The following HSPA12A variants were observed in gnomAD, a reference collection of about 807,000 sequenced individuals.
HSPA12A encodes the protein heat shock 70 kDa protein 12A.
In HSPA12A, 28 loss-of-function variants were observed where a neutral mutation model predicts 69.2. The observed-to-expected ratio is 0.40, with a 90% CI of 0.30 to 0.55. HSPA12A has a LOEUF of 0.55. Ranked by LOEUF, HSPA12A falls within the 20% of genes least tolerant of loss-of-function variation. The pLI is 0.38. For missense variants in HSPA12A, 686 were observed against 900.7 expected (o/e 0.76, Z 3.05); for synonymous variants, 345 against 370.5 (o/e 0.93, Z 0.79).
At chr10:116,798,878 T>C (rs973679427) in intron 2 of HSPA12A, among the ~76,000 whole-genome samples, 4 of 152,088 alleles carry the variant, frequency 2.6e-5, no homozygotes, top group Admixed American at 2.6e-4. Context: ...CCCTGTGAAC[T>C]GACCTTGAAC....
chr10:116,811,579 T>TAAAAAAAAAAAAAAAA (rs60912684), intron 2 of HSPA12A, among the ~76,000 whole-genome samples: 22 of 105,930 alleles, frequency 2.1e-4, no homozygotes, highest in African/African-American at 7.9e-4. Flanking sequence ...TTGCTTTTGT[T>TAAAAAAAAAAAAAAAA]AAAAAAAAAA....
chr10:116,849,905 A>C, upstream of HSPA12A: 1 of 774,370 alleles, frequency 1.3e-6, no homozygotes, highest in Non-Finnish European at 2.2e-6. Context: ...AAGGACACCC[A>C]GGGGTGAAGG....
upstream of HSPA12A, among the ~76,000 whole-genome samples, chr10:116,744,307 A>G (rs1485411451): frequency 6.6e-6 from 1 of 152,020 alleles, no homozygotes; most frequent in African/African-American, 2.4e-5. Flanking sequence ...GGACTGCCCA[A>G]CTCCAGGAAG....
Position 116,758,200 on chromosome 10 carries a change from A to G in HSPA12A, c.92-50915T>C, listed in dbSNP as rs140682541. Among the ~76,000 whole-genome samples, 426 of 152,330 alleles carry G rather than the reference A, an allele frequency of 2.8e-3. 3 individuals carry two copies. The highest frequency in any genetic ancestry group is 9.6e-3 in the African/African-American group (401 of 41,580). The stretch of plus-strand genomic sequence containing the variant: ...CAGCCTTCAGCGAAGGTACCTTGAT[A>G]CATGGATTTCAGTCTCTTTCAGACC... On this transcript the variant is annotated intron_variant, in intron 2 of 12. Transcript: ENST00000635765.
intron 1 of HSPA12A, among the ~76,000 whole-genome samples, chr10:116,717,161 C>A (rs2133013886): frequency 6.6e-6 from 1 of 152,180 alleles, no homozygotes; most frequent in East Asian, 1.9e-4. Flanking sequence ...CTGTAGGTGA[C>A]AAAATGAAGC....
chr10:116,734,688 C>T (rs1638416), intron 1 of HSPA12A, among the ~76,000 whole-genome samples: 98,140 of 146,228 alleles, frequency 0.67, 33,726 homozygotes, highest in Middle Eastern at 0.87. Context: ...TATTAGCCTT[C>T]AATCATGAAA....
At chr10:116,758,499 G>A (rs1021327829) in intron 2 of HSPA12A, among the ~76,000 whole-genome samples, 7 of 152,154 alleles carry the variant, frequency 4.6e-5, no homozygotes, top group African/African-American at 1.7e-4. Context: ...ATCACTTCAA[G>A]TCCAGAGCTC....
intron 2 of HSPA12A, among the ~76,000 whole-genome samples, chr10:116,748,434 A>G (rs1851699862): frequency 6.6e-6 from 1 of 152,200 alleles, no homozygotes; most frequent in Non-Finnish European, 1.5e-5. Flanking sequence ...AATGCACACT[A>G]AGTCACCATC....
intron 2 of HSPA12A, among the ~76,000 whole-genome samples, chr10:116,774,058 G>C (rs569628662): frequency 6.6e-6 from 1 of 151,464 alleles, no homozygotes. Context: ...CCCCCAGGCT[G>C]GAGTGCAGTG....
intron 4 of HSPA12A, 152 bp from the exon 5 acceptor site, chr10:116,698,891 C>A: frequency 3.2e-6 from 2 of 621,374 alleles, no homozygotes; most frequent in Non-Finnish European, 5.8e-6. Context: ...ATGGCGCATC[C>A]CCCAAAATGG....
chr10:116,732,448 T>C (rs1010267711), intron 1 of HSPA12A, among the ~76,000 whole-genome samples: 5 of 152,100 alleles, frequency 3.3e-5, no homozygotes, highest in Non-Finnish European at 5.9e-5. Flanking sequence ...GGATCCTCAC[T>C]GTAAAGTTAC....
chr10:116,696,002 C>CAAAAAAAAAAAAAAAAAAAAA lies in HSPA12A; in HGVS notation c.546+2612_546+2632dup, dbSNP rs71013609. Among the ~76,000 whole-genome samples, 61 of 32,714 alleles carry CAAAAAAAAAAAAAAAAAAAAA rather than the reference C, an allele frequency of 1.9e-3. 9 individuals are homozygous for CAAAAAAAAAAAAAAAAAAAAA. Among genetic ancestry groups the CAAAAAAAAAAAAAAAAAAAAA allele is most frequent in the Non-Finnish European group, 2.7e-3 (54 of 19,854 alleles). 21.5% of individuals were successfully genotyped at this position (32,714 alleles called of 152,430 possible). ...TGGGCAACAGAGAGAGACTCCATCTCAAAAAAAAAAAAAAAAAAAAAGGCT... is the reference window on the plus strand; with the variant it reads ...TGGGCAACAGAGAGAGACTCCATCTCAAAAAAAAAAAAAAAAAAAAAAAAAAAAAAAAAAAAAAAAAAGGCT... On this transcript the variant is annotated intron_variant, in intron 5 of 11. Transcript: ENST00000369209.
At chr10:116,702,645 C>T (rs1445178093) in intron 3 of HSPA12A, among the ~76,000 whole-genome samples, 1 of 152,196 alleles carries the variant, frequency 6.6e-6, no homozygotes, top group African/African-American at 2.4e-5. Context: ...CACTGCCCTT[C>T]ACAAATGGAA....
chr10:116,678,530 A>C (rs374705722), intron 10 of HSPA12A, among the ~76,000 whole-genome samples: 1 of 137,980 alleles, frequency 7.2e-6, no homozygotes, highest in Non-Finnish European at 1.5e-5. Context: ...GTGGGACTCG[A>C]GGGGCGTATC....
chr10:116,832,568 A>T (rs981475871), intron 2 of HSPA12A: 1 of 152,246 alleles, frequency 6.6e-6, no homozygotes, highest in East Asian at 1.9e-4. Flanking sequence ...TTGCTCAGTC[A>T]TCATTCAGGA....
At chr10:116,849,847 G>T, upstream of HSPA12A, 1 of 1,210,932 alleles carries the variant, frequency 8.3e-7, no homozygotes, top group Non-Finnish European at 1.2e-6. Flanking sequence ...AGCCGCCCGG[G>T]CCCTGGGCCT....
intron 2 of HSPA12A, among the ~76,000 whole-genome samples, chr10:116,813,307 G>A (rs1011114111): frequency 2.0e-4 from 28 of 139,092 alleles, no homozygotes; most frequent in Middle Eastern, 3.9e-3. Context: ...GTGCAGTGGC[G>A]CGATCTCGGC....
chr10:116,699,080 A>G (rs1193192651), intron 4 of HSPA12A, among the ~76,000 whole-genome samples: 1 of 152,046 alleles, frequency 6.6e-6, no homozygotes, highest in Non-Finnish European at 1.5e-5. Flanking sequence ...TCCCCATGCA[A>G]TTTCCGTACA....
At chr10:116,683,169 C>G (rs1438693254) in intron 7 of HSPA12A, among the ~76,000 whole-genome samples, 3 of 152,036 alleles carry the variant, frequency 2.0e-5, no homozygotes, top group South Asian at 4.1e-4. Context: ...TAGCCCTCGA[C>G]ACACCCACAG....
Sources: allele counts gnomAD v4.1 joint callset (sites outside exome capture counted in the v4.1 genomes callset), GRCh38; gene constraint gnomAD v4.1.1; transcripts MANE v1.5; gene names NCBI Gene and HGNC (gene_info 2026-07-23, HGNC 2026-07-21).